The following DYNC1I1 variants were observed in gnomAD, a reference collection of about 807,000 sequenced individuals.
DYNC1I1 encodes dynein cytoplasmic 1 intermediate chain 1.
A neutral mutation model predicts 86.6 loss-of-function variants in DYNC1I1; 43 were observed. The observed-to-expected ratio is 0.50, with a 90% CI of 0.39 to 0.64. The LOEUF (loss-of-function observed/expected upper bound fraction) is 0.64, where lower values mean the gene tolerates loss of function less well. Ranked by LOEUF, DYNC1I1 falls within the 30% of genes least tolerant of loss-of-function variation. The pLI, the probability that DYNC1I1 is intolerant of heterozygous loss-of-function variation, is 0.00. For missense variants in DYNC1I1, 604 were observed against 788.8 expected (o/e 0.77, Z 2.81); for synonymous variants, 262 against 283.7 (o/e 0.92, Z 0.77).
chr7:95,999,592 G>T (rs1383253826), intron 10 of DYNC1I1, among the ~76,000 whole-genome samples: 1 of 152,180 alleles, frequency 6.6e-6, no homozygotes, highest in Non-Finnish European at 1.5e-5. Context: ...CACGGCCTCA[G>T]CTGCCCAGTG....
At chr7:96,105,526 T>C (rs2116351362) in intron 16 of DYNC1I1, among the ~76,000 whole-genome samples, 1 of 152,296 alleles carries the variant, frequency 6.6e-6, no homozygotes, top group South Asian at 2.1e-4. Context: ...CATGTATTAG[T>C]CTTTTAACAT....
At chr7:96,102,895 A>G (rs1200998436), downstream of DYNC1I1, among the ~76,000 whole-genome samples, 1 of 152,198 alleles carries the variant, frequency 6.6e-6, no homozygotes, top group Admixed American at 6.5e-5. Context: ...CATAGGATAT[A>G]AACTTAACTA....
chr7:95,865,967 G>T (rs1790007167), intron 5 of DYNC1I1, among the ~76,000 whole-genome samples: 6 of 152,142 alleles, frequency 3.9e-5, no homozygotes, highest in Admixed American at 3.9e-4. Flanking sequence ...ACAGTGAACA[G>T]GGCATAAGCT....
At chr7:95,894,746 A>G (rs532452536) in intron 6 of DYNC1I1, among the ~76,000 whole-genome samples, 10 of 152,338 alleles carry the variant, frequency 6.6e-5, no homozygotes, top group East Asian at 5.8e-4. Context: ...TCGGGATTCA[A>G]TGAACTCTTG....
chr7:96,017,229 A>G (rs1023531755), intron 10 of DYNC1I1, among the ~76,000 whole-genome samples: 3 of 152,220 alleles, frequency 2.0e-5, no homozygotes, highest in Non-Finnish European at 4.4e-5. Context: ...GGATTTAGAC[A>G]TTTGATTTAA....
chr7:95,882,202 A>G (rs1453348985), intron 6 of DYNC1I1, among the ~76,000 whole-genome samples: 2 of 152,178 alleles, frequency 1.3e-5, no homozygotes, highest in Non-Finnish European at 2.9e-5. Context: ...ATAAAATGAC[A>G]AAATGGTTGG....
chr7:95,958,354 G>T (rs1370605780), intron 6 of DYNC1I1, among the ~76,000 whole-genome samples: 2 of 152,162 alleles, frequency 1.3e-5, no homozygotes, highest in Admixed American at 1.3e-4. Flanking sequence ...GTTTTAAGAG[G>T]CTGAGGCAGG....
chr7:96,103,797 A>G (rs530649832), intron 16 of DYNC1I1, among the ~76,000 whole-genome samples: 1 of 152,240 alleles, frequency 6.6e-6, no homozygotes, highest in African/African-American at 2.4e-5. Flanking sequence ...TATTTTTAGT[A>G]GAGACGGGGT....
chr7:96,093,121 A>G (rs1790896467), intron 16 of DYNC1I1, among the ~76,000 whole-genome samples: 1 of 152,192 alleles, frequency 6.6e-6, no homozygotes. Flanking sequence ...ATACTGTAAA[A>G]TTGGTATGCA....
intron 6 of DYNC1I1, among the ~76,000 whole-genome samples, chr7:95,949,516 G>A (rs938598207): frequency 6.6e-6 from 1 of 152,158 alleles, no homozygotes; most frequent in African/African-American, 2.4e-5. Flanking sequence ...AGAGTATCTC[G>A]CTTTTAATGA....
chr7:95,806,137 CA>C (rs1794695510), intron 2 of DYNC1I1, among the ~76,000 whole-genome samples: 2 of 152,192 alleles, frequency 1.3e-5, no homozygotes, highest in Non-Finnish European at 2.9e-5. Context: ...CATTTCCATG[CA>C]AAGTCAAAAA....
chr7:95,908,183 C>T (rs1293622560), intron 6 of DYNC1I1, among the ~76,000 whole-genome samples: 2 of 152,042 alleles, frequency 1.3e-5, no homozygotes, highest in Non-Finnish European at 2.9e-5. Flanking sequence ...AAGGAGACTG[C>T]ACTTATAGAG....
chr7:95,787,832 T>C (rs1794189706), intron 1 of DYNC1I1, among the ~76,000 whole-genome samples: 1 of 152,160 alleles, frequency 6.6e-6, no homozygotes, highest in African/African-American at 2.4e-5. Context: ...TGGGGAATAG[T>C]TTGCATTTTA....
chr7:95,799,865 G>T (rs150045018), intron 1 of DYNC1I1, among the ~76,000 whole-genome samples: 3 of 152,024 alleles, frequency 2.0e-5, no homozygotes, highest in Admixed American at 6.6e-5. Context: ...AACTTTGAGT[G>T]ATGACATGGT....
intron 1 of DYNC1I1, among the ~76,000 whole-genome samples, chr7:95,798,671 T>G (rs532647156): frequency 5.3e-5 from 8 of 152,314 alleles, no homozygotes; most frequent in African/African-American, 1.9e-4. Context: ...ATGCCAGCAT[T>G]AGGAATGGAA....
intron 16 of DYNC1I1, among the ~76,000 whole-genome samples, chr7:96,104,449 G>A (rs1166074524): frequency 1.3e-5 from 2 of 151,940 alleles, no homozygotes; most frequent in East Asian, 3.8e-4. Flanking sequence ...CTTTGCCACA[G>A]GTCACAAAGA....
chr7:95,891,623 A>G (rs1020627651), intron 6 of DYNC1I1, among the ~76,000 whole-genome samples: 8 of 152,324 alleles, frequency 5.3e-5, no homozygotes, highest in Admixed American at 4.6e-4. Flanking sequence ...TGTGTGGCCT[A>G]GGGAGAGTTT....
intron 5 of DYNC1I1, among the ~76,000 whole-genome samples, chr7:95,862,300 A>G (rs1353222159): frequency 6.6e-6 from 1 of 152,190 alleles, no homozygotes; most frequent in Non-Finnish European, 1.5e-5. Context: ...CAAGTCATGT[A>G]TTTGATAAAG....
intron 4 of DYNC1I1, among the ~76,000 whole-genome samples, chr7:95,827,438 A>G (rs1055314286): frequency 1.3e-5 from 2 of 152,238 alleles, no homozygotes; most frequent in Middle Eastern, 3.2e-3. Context: ...TGCTTATGCA[A>G]TGTTTAAAAA....
Sources: allele counts gnomAD v4.1 joint callset (sites outside exome capture counted in the v4.1 genomes callset), GRCh38; gene constraint gnomAD v4.1.1; transcripts MANE v1.5; gene names NCBI Gene and HGNC (gene_info 2026-07-23, HGNC 2026-07-21).